IRAK3: variants seen among roughly 807,000 people sequenced by gnomAD.
The protein encoded by IRAK3 is interleukin-1 receptor-associated kinase 3.
Under a neutral mutation model 56.6 loss-of-function variants are expected in IRAK3, and 57 were observed. The ratio of observed to expected loss-of-function variants is 1.01; its 90% CI spans 0.81 to 1.26. The LOEUF is 1.26. IRAK3 is among the 50% of genes most tolerant of loss of function. IRAK3 has a pLI of 0.00. For missense variants in IRAK3, 703 were observed against 719.0 expected (o/e 0.98, Z 0.25); for synonymous variants, 258 against 255.7 (o/e 1.01, Z -0.09).
chr12:66,225,994 A>G (rs2052781610), intron 6 of IRAK3, among the ~76,000 whole-genome samples: 1 of 152,182 alleles, frequency 6.6e-6, no homozygotes, highest in African/African-American at 2.4e-5. Flanking sequence ...ACTTAAACTT[A>G]TATACTTAAA....
At position 66,247,851 on chromosome 12, in the gene IRAK3, C is replaced by A; in HGVS notation, c.1471C>A (p.Pro491Thr). Residue 491 changes from proline to threonine, a missense_variant, in exon 12 of 12, where the codon CCT (proline) becomes ACT (threonine). By Grantham distance (38) the Pro-to-Thr change is conservative (BLOSUM62 -1). Transcript: ENST00000261233. ...DDESQNNNLL[P>T]SDEGLRIDRM... is the part of the protein sequence containing the mutation. ...TGAAAGCCAGAATAACAATTTACTA[C>A]CTTCTGATGAAGGCCTGAGGATAGA... The A allele has an allele frequency of 6.2e-7, 1 of 1,614,156 alleles. No homozygotes were observed. Among genetic ancestry groups the A allele is most frequent in the Non-Finnish European group, 8.5e-7 (1 of 1,180,000 alleles).
chr12:66,243,127 G>T (rs957576755), intron 8 of IRAK3, among the ~76,000 whole-genome samples: 1 of 151,366 alleles, frequency 6.6e-6, no homozygotes, highest in African/African-American at 2.4e-5. Context: ...CTCAGCCCTA[G>T]ACAAAGTCTG....
intron 1 of IRAK3, 98 bp downstream of exon 1, chr12:66,189,530 T>C: frequency 1.2e-6 from 1 of 857,878 alleles, no homozygotes; most frequent in Non-Finnish European, 1.4e-6. Context: ...CTCGCGGGGC[T>C]GGCGCGGCCT....
intron 1 of IRAK3, among the ~76,000 whole-genome samples, chr12:66,191,193 G>A (rs993270621): frequency 2.0e-5 from 3 of 152,150 alleles, no homozygotes; most frequent in African/African-American, 7.2e-5. Flanking sequence ...CCTAAAAGGG[G>A]GTATTTTGTG....
rs917562762 is a variant in IRAK3, at chr12:66,209,595, C to G, written c.381+75C>G. Reference sequence around the variant, plus strand: ...AATTGAGCATAAGGAATGAAATTAGCAGGCAGAAAAATGCTGGATTTGCCG... The same window carrying G: ...AATTGAGCATAAGGAATGAAATTAGGAGGCAGAAAAATGCTGGATTTGCCG... On this transcript the variant is annotated intron_variant, in intron 3 of 11. Transcript: ENST00000261233. 4 of 961,862 alleles carry G rather than the reference C, an allele frequency of 4.2e-6. No homozygotes were observed. The African/African-American group carries it at 6.4e-5, about 15-fold the overall frequency. The allele number at this position is 961,862 out of a possible 1,614,324, so 59.6% of individuals were successfully genotyped here.
intron 1 of IRAK3, among the ~76,000 whole-genome samples, chr12:66,194,964 A>G (rs1318357001): frequency 1.3e-5 from 2 of 152,068 alleles, no homozygotes; most frequent in Non-Finnish European, 2.9e-5. Flanking sequence ...ACGTAAATTC[A>G]ATCTATATAC....
Position 66,244,488 on chromosome 12 carries a change from C to T in IRAK3, c.890C>T (p.Ala297Val). 1 of 1,613,424 alleles carries T rather than the reference C, an allele frequency of 6.2e-7. No homozygotes were observed. The highest frequency in any genetic ancestry group is 2.2e-5 in the East Asian group (1 of 44,870). ...CSVICGSISS[A>V]NILLDDQFQP... Reference sequence around the variant, plus strand: ...TTTGTCCCTGATCACAATTTTAGTGCAAACATCCTTTTGGATGATCAGTTT... The same window carrying T: ...TTTGTCCCTGATCACAATTTTAGTGTAAACATCCTTTTGGATGATCAGTTT... Residue 297 changes from alanine (A) to valine (V), a missense_variant and splice_region_variant, in exon 9 of 12, where the codon GCA (alanine) becomes GTA (valine). Physicochemically the swap from Ala to Val is moderately conservative, Grantham distance 64 (BLOSUM62 0). Transcript: ENST00000261233.
At position 66,226,652 on chromosome 12, in the gene IRAK3, C is replaced by T. The variant is rs557497311; in HGVS notation, c.654-71C>T. 20 of 865,576 alleles carry T rather than the reference C, an allele frequency of 2.3e-5. No homozygotes were observed. In the Middle Eastern group the frequency reaches 7.9e-4, roughly 34 times the overall value. 53.6% of individuals were successfully genotyped at this position (865,576 alleles called of 1,614,324 possible). A position where few individuals can be genotyped will look rare whatever the true frequency, so the allele number is the denominator to read the frequency against. On this transcript the variant is annotated intron_variant, in intron 6 of 11. Coordinates refer to ENST00000261233, the MANE Select transcript of IRAK3 (RefSeq NM_007199.3). Reference sequence around the variant, plus strand: ...ATTCCCCATCCCACCTTACTACCCCCACACCAGTGTGTTGTTCATTTCCTG... The same window carrying T: ...ATTCCCCATCCCACCTTACTACCCCTACACCAGTGTGTTGTTCATTTCCTG...
At position 66,247,946 on chromosome 12, in the gene IRAK3, G is replaced by C. The variant is rs1289047276; in HGVS notation, c.1566G>C (p.Lys522Asn). The C allele has an allele frequency of 5.0e-6, 8 of 1,613,626 alleles. No homozygotes were observed. Among genetic ancestry groups the C allele is most frequent in the Non-Finnish European group, 6.8e-6 (8 of 1,179,950 alleles). The change falls in exon 12 of 12, where the codon AAG becomes AAC. Residue 522 changes from lysine (K) to asparagine (N), a missense_variant. Coordinates refer to ENST00000261233, the MANE Select transcript of IRAK3 (RefSeq NM_007199.3). ...SEVMFLSLDK[K>N]PESKRNEEAC... is the part of the protein sequence containing the mutation. ...TTATGTTTCTGAGCTTGGACAAAAAGCCAGAGAGCAAGAGAAATGAGGAAG... is the reference window on the plus strand; with the variant it reads ...TTATGTTTCTGAGCTTGGACAAAAACCCAGAGAGCAAGAGAAATGAGGAAG...
At chr12:66,204,778 G>GCGCGCGCACACACACA (rs1026097833) in intron 2 of IRAK3, among the ~76,000 whole-genome samples, 1 of 147,812 alleles carries the variant, frequency 6.8e-6, no homozygotes, top group Non-Finnish European at 1.5e-5. Flanking sequence ...GAGCCCTTGC[G>GCGCGCGCACACACACA]CACACACACA....
At position 66,248,244 on chromosome 12, in the gene IRAK3, A is replaced by G. The variant is rs2053057999; in HGVS notation, c.*73A>G. 9.5e-7 allele frequency: 1 copy of G among 1,047,450 alleles called. No individual in the cohort carries two copies. The highest frequency in any genetic ancestry group is 1.5e-6 in the Non-Finnish European group (1 of 677,708). The allele number at this position is 1,047,450 out of a possible 1,614,324, so 64.9% of individuals were successfully genotyped here. A position where few individuals can be genotyped will look rare whatever the true frequency, so the allele number is the denominator to read the frequency against. On this transcript the variant is annotated 3_prime_UTR_variant, in exon 12 of 12. Transcript: ENST00000261233. ...AGCATAGGTATGACCTTGGGAAGAC[A>G]TTGGCTCCATAAGCAATGCCAAGAG...
At position 66,244,521 on chromosome 12, in the gene IRAK3, A is replaced by T. The variant is rs1285282511; in HGVS notation, c.923A>T (p.Lys308Ile). ...NILLDDQFQP[K>I]LTDFAMAHFR... ...CTTTTGGATGATCAGTTTCAACCCA[A>T]ACTAACTGATTTTGCCATGGCACAC... The change falls in exon 9 of 12, where the codon AAA (lysine) becomes ATA (isoleucine). Residue 308 changes from lysine (K) to isoleucine (I), a missense_variant. Lys to Ile is a moderately radical substitution (Grantham distance 102). Coordinates refer to ENST00000261233, the MANE Select transcript of IRAK3 (RefSeq NM_007199.3). 2 of 1,614,120 alleles carry T rather than the reference A, an allele frequency of 1.2e-6. No individual in the cohort carries two copies. The highest frequency in any genetic ancestry group is 1.6e-4 in the Middle Eastern group (1 of 6,062).
rs149258663 is a variant in IRAK3 at position 66,208,577 on chromosome 12, A to T, written c.317-879A>T. On this transcript the variant is annotated intron_variant, in intron 2 of 11. Coordinates refer to ENST00000261233, the MANE Select transcript of IRAK3 (RefSeq NM_007199.3). The stretch of plus-strand genomic sequence containing the variant: ...GGAGTTTGAGACCAACCTGGCCAAC[A>T]TGGTGAAACCCTGTCTCTACTAAAA... 3.8e-3 allele frequency among the ~76,000 whole-genome samples: 580 copies of T among 151,966 alleles called. 6 individuals are homozygous for T. Among genetic ancestry groups the T allele is most frequent in the African/African-American group, 0.013 (545 of 41,454 alleles).
intron 8 of IRAK3, among the ~76,000 whole-genome samples, 189 bp downstream of exon 8, chr12:66,228,559 A>G (rs371223573): frequency 2.0e-5 from 3 of 152,348 alleles, no homozygotes; most frequent in East Asian, 3.9e-4. Flanking sequence ...TTAAAAAGCT[A>G]TATGTATGTT....
intron 8 of IRAK3, among the ~76,000 whole-genome samples, chr12:66,232,696 G>A (rs1418426181): frequency 7.2e-5 from 11 of 152,076 alleles, no homozygotes; most frequent in Admixed American, 7.2e-4. Flanking sequence ...AGTGCTTTTA[G>A]GACTGAGCTG....
chr12:66,204,778 G>GCGCGCA (rs1026097833), intron 2 of IRAK3, among the ~76,000 whole-genome samples: 28 of 147,922 alleles, frequency 1.9e-4, no homozygotes, highest in African/African-American at 5.7e-4. Flanking sequence ...GAGCCCTTGC[G>GCGCGCA]CACACACACA....
In IRAK3 at chr12:66,247,883, G is replaced by A. The variant is rs1357311684; in HGVS notation, c.1503G>A (p.Met501Ile). 3 of 1,614,056 alleles carry A rather than the reference G, an allele frequency of 1.9e-6. No homozygotes were observed. The African/African-American group carries it at 4.0e-5, about 22-fold the overall frequency. The part of the protein sequence containing the change: ...PSDEGLRIDR[M>I]TQKTPFECSQ... ...ATGAAGGCCTGAGGATAGACAGAAT[G>A]ACTCAGAAAACTCCTTTTGAATGCA... Residue 501 changes from methionine to isoleucine, a missense_variant, in exon 12 of 12, where the codon ATG becomes ATA. Met to Ile is a conservative substitution (Grantham distance 10). Coordinates refer to ENST00000261233, the MANE Select transcript of IRAK3 (RefSeq NM_007199.3).
At position 66,217,196 on chromosome 12, in the gene IRAK3, A is replaced by G. The variant is rs755183717; in HGVS notation, c.614A>G (p.His205Arg). ...GAGAAAAAAATGCAGTGTAAGAAGC[A>G]TTGGAAGAGGTTTTTATCTGAGCTT... is the stretch of plus-strand genomic sequence containing the variant. Reference protein sequence around the residue: ...KQEKKMQCKKHWKRFLSELEV... With the variant: ...KQEKKMQCKKRWKRFLSELEV... The change falls in exon 6 of 12, where the codon CAT (histidine) becomes CGT (arginine). Residue 205 changes from histidine (H) to arginine (R), a missense_variant. Coordinates refer to ENST00000261233, the MANE Select transcript of IRAK3 (RefSeq NM_007199.3). 3 of 1,611,472 alleles carry G rather than the reference A, an allele frequency of 1.9e-6. 1 individual carries two copies. The highest frequency in any genetic ancestry group is 2.5e-6 in the Non-Finnish European group (3 of 1,177,794).
At chr12:66,208,485 G>A (rs1040917517) in intron 2 of IRAK3, among the ~76,000 whole-genome samples, 3 of 152,208 alleles carry the variant, frequency 2.0e-5, no homozygotes, top group African/African-American at 7.2e-5. Context: ...ATACAGCTGG[G>A]CGCTGTGGCT....
Sources: gnomAD v4.1 joint callset for allele counts (sites outside exome capture counted in the v4.1 genomes callset) on GRCh38, gnomAD v4.1.1 for gene constraint, MANE v1.5 for transcripts, NCBI Gene and HGNC (gene_info 2026-07-23, HGNC 2026-07-21) for gene names.